PCCA: variants seen among roughly 807,000 people sequenced by gnomAD.
PCCA encodes the protein propionyl-CoA carboxylase subunit alpha.
Under a neutral mutation model 101.3 loss-of-function variants are expected in PCCA, and 74 were observed. That is an observed-to-expected ratio of 0.73 (90% confidence interval 0.61 to 0.89). The LOEUF is 0.89. PCCA is among the 40% of genes least tolerant of loss of function. The probability of loss-of-function intolerance (pLI) is 0.00; values close to 1 mark genes in which losing one functional copy is unlikely to be tolerated. For synonymous variants in PCCA, 294 were observed against 313.6 expected, an observed-to-expected ratio of 0.94 and a Z score of 0.66; for missense variants, 891 against 907.0, an observed-to-expected ratio of 0.98 and a Z score of 0.23.
chr13:100,211,711 G>C (rs781582259), intron 7 of PCCA, among the ~76,000 whole-genome samples: 3 of 151,768 alleles, frequency 2.0e-5, no homozygotes, highest in Non-Finnish European at 4.4e-5. Flanking sequence ...TTTTCATGGC[G>C]TCAATTGCCA....
At chr13:100,337,235 A>G (rs1253469942) in intron 17 of PCCA, among the ~76,000 whole-genome samples, 2 of 152,168 alleles carry the variant, frequency 1.3e-5, no homozygotes, top group Non-Finnish European at 2.9e-5. Context: ...AGCTCCCCTC[A>G]TGGCAGCCAG....
Position 100,458,424 on chromosome 13 carries a change from CACACACACACACACAT to C in PCCA, c.1899+9135_1899+9150del, listed in dbSNP as rs1276393089. 1.1e-3 allele frequency among the ~76,000 whole-genome samples: 106 copies of C among 95,342 alleles called. No individual in the cohort carries two copies. In the East Asian group the frequency reaches 0.022, roughly 20 times the overall value. The allele number at this position is 95,342 out of a possible 152,430, so 62.5% of individuals were successfully genotyped here. Reference sequence around the variant, plus strand: ...CACAGTGGGACCCCATCTCTGCGCGCACACACACACACACATACACACACACACACACACACACACA... The same window carrying C: ...CACAGTGGGACCCCATCTCTGCGCGCACACACACACACACACACACACACA... On this transcript the variant is annotated intron_variant, in intron 21 of 23. Transcript: ENST00000376285.
chr13:100,177,959 A>T (rs1469283606), intron 6 of PCCA, among the ~76,000 whole-genome samples: 1 of 152,030 alleles, frequency 6.6e-6, no homozygotes, highest in Non-Finnish European at 1.5e-5. Context: ...TTTCCCTGTT[A>T]TAACAGTTCT....
intron 1 of PCCA, among the ~76,000 whole-genome samples, chr13:100,100,929 G>A (rs375448553): frequency 6.6e-6 from 1 of 151,940 alleles, no homozygotes; most frequent in Non-Finnish European, 1.5e-5. Context: ...TCAGCCATCC[G>A]AGTAGCTGGG....
At chr13:100,128,416 G>A (rs2050169199) in intron 4 of PCCA, among the ~76,000 whole-genome samples, 1 of 152,178 alleles carries the variant, frequency 6.6e-6, no homozygotes, top group Non-Finnish European at 1.5e-5. Flanking sequence ...CTGCTTTAGA[G>A]ATGGGTATAG....
At chr13:100,401,634 T>C (rs1417875985) in intron 19 of PCCA, among the ~76,000 whole-genome samples, 1 of 152,130 alleles carries the variant, frequency 6.6e-6, no homozygotes, top group Non-Finnish European at 1.5e-5. Flanking sequence ...TTTTGTACCA[T>C]TCCCAGTCAT....
Position 100,410,221 on chromosome 13 carries a change from T to C in PCCA, c.1747-15412T>C, listed in dbSNP as rs186068384. 1.7e-4 allele frequency among the ~76,000 whole-genome samples: 26 copies of C among 152,252 alleles called. No individual in the cohort carries two copies. In the East Asian group the frequency reaches 4.8e-3, roughly 28 times the overall value. The stretch of plus-strand genomic sequence containing the variant: ...TCCTTAATTTTTTGCCAGGGAAATT[T>C]TTTTTGTTTTTGTTGTTGTTTTGTT... On this transcript the variant is annotated intron_variant, in intron 19 of 23. Transcript: ENST00000376285.
At chr13:100,222,017 G>T (rs2059845190) in intron 7 of PCCA, among the ~76,000 whole-genome samples, 1 of 151,872 alleles carries the variant, frequency 6.6e-6, no homozygotes, top group Non-Finnish European at 1.5e-5. Flanking sequence ...GATTATAGGT[G>T]TCCAGGTGTG....
At chr13:100,228,640 G>A (rs988981528) in intron 7 of PCCA, among the ~76,000 whole-genome samples, 23 of 152,030 alleles carry the variant, frequency 1.5e-4, no homozygotes, top group Non-Finnish European at 1.2e-4. Flanking sequence ...GCTCACTCCT[G>A]TAATCCTAGC....
chr13:100,244,983 G>C (rs1350361000), intron 8 of PCCA, among the ~76,000 whole-genome samples: 1 of 150,330 alleles, frequency 6.7e-6, no homozygotes, highest in South Asian at 2.1e-4. Flanking sequence ...GTAGAGATGT[G>C]GATAAATCAT....
At chr13:100,156,026 AAATTCTTCTGTACCATGC>A (rs2053847871) in intron 5 of PCCA, among the ~76,000 whole-genome samples, 1 of 152,218 alleles carries the variant, frequency 6.6e-6, no homozygotes, top group South Asian at 2.1e-4. Flanking sequence ...ACAGTAGTTT[AAATTCTTCTGTACCATGC>A]TCATAAAGCT....
rs1029966098 is a variant in PCCA at position 100,236,050 on chromosome 13, A to T, written c.637+172A>T. 2.7e-4 allele frequency among the ~76,000 whole-genome samples: 41 copies of T among 152,336 alleles called. 1 individual carries two copies. The highest frequency in any genetic ancestry group is 9.6e-4 in the African/African-American group (40 of 41,586). ...GTTGAATTGCCAAATTCTATTATTAAAGGAGACTGTAAAGAGTAATTTGAC... is the reference window on the plus strand; with the variant it reads ...GTTGAATTGCCAAATTCTATTATTATAGGAGACTGTAAAGAGTAATTTGAC... On this transcript the variant is annotated intron_variant, in intron 8 of 23. Coordinates refer to ENST00000376285, the MANE Select transcript of PCCA (RefSeq NM_000282.4).
In PCCA at chr13:100,184,464, G is replaced by A. The variant is rs181429265; in HGVS notation, c.469-24868G>A. Among the ~76,000 whole-genome samples, 398 of 152,286 alleles carry A rather than the reference G, an allele frequency of 2.6e-3. 6 individuals are homozygous for A. Among genetic ancestry groups the A allele is most frequent in the African/African-American group, 9.2e-3 (383 of 41,556 alleles). On this transcript the variant is annotated intron_variant, in intron 6 of 23. Coordinates refer to ENST00000376285, the MANE Select transcript of PCCA (RefSeq NM_000282.4). ...CAGAAATGGCTTCTAAGGTGTCTCC[G>A]TAAGATAGCTATTCAACTGTTGCAC... is the stretch of plus-strand genomic sequence containing the variant.
At chr13:100,414,940 T>C (rs183472673) in intron 19 of PCCA, among the ~76,000 whole-genome samples, 4 of 152,310 alleles carry the variant, frequency 2.6e-5, no homozygotes, top group Non-Finnish European at 1.5e-5. Flanking sequence ...TAGATTACAT[T>C]TGCTATTTTG....
At chr13:100,115,999 T>C (rs927784234) in intron 4 of PCCA, among the ~76,000 whole-genome samples, 5 of 152,198 alleles carry the variant, frequency 3.3e-5, no homozygotes, top group African/African-American at 1.2e-4. Context: ...GTCAAAAGTT[T>C]CATTTAAACC....
chr13:100,322,541 C>G (rs957311082), intron 16 of PCCA, among the ~76,000 whole-genome samples: 3 of 151,010 alleles, frequency 2.0e-5, no homozygotes, highest in East Asian at 3.9e-4. Context: ...ACTATTCAGT[C>G]TCTCTGGATT....
At chr13:100,293,681 A>G (rs2065302671) in intron 12 of PCCA, among the ~76,000 whole-genome samples, 1 of 152,218 alleles carries the variant, frequency 6.6e-6, no homozygotes, top group South Asian at 2.1e-4. Flanking sequence ...TTAAAATGAT[A>G]GAGGCCAGGG....
intron 4 of PCCA, among the ~76,000 whole-genome samples, chr13:100,125,135 TTG>T (rs3034643): frequency 0.44 from 65,788 of 149,070 alleles, 14,792 homozygotes; most frequent in Middle Eastern, 0.57. Flanking sequence ...GACCTTTTAT[TTG>T]TGTGTGTGTG....
At chr13:100,495,028 A>T (rs1593996308) in intron 21 of PCCA, among the ~76,000 whole-genome samples, 2 of 152,072 alleles carry the variant, frequency 1.3e-5, no homozygotes, top group East Asian at 3.9e-4. Flanking sequence ...TAGAGGTGCG[A>T]TTCTCAACCG....
Sources: gnomAD v4.1 joint callset for allele counts (sites outside exome capture counted in the v4.1 genomes callset) on GRCh38, gnomAD v4.1.1 for gene constraint, MANE v1.5 for transcripts, NCBI Gene and HGNC (gene_info 2026-07-23, HGNC 2026-07-21) for gene names.